MUC5B: variants seen among roughly 807,000 people sequenced by gnomAD.
MUC5B encodes mucin 5B, oligomeric mucus/gel-forming, also known as mucin-5B.
A neutral mutation model predicts 376.9 loss-of-function variants in MUC5B; 116 were observed. The observed-to-expected ratio is 0.31, with a 90% CI of 0.26 to 0.36. The LOEUF is 0.36. Ranked by LOEUF, MUC5B falls within the 10% of genes least tolerant of loss-of-function variation. The pLI is 1.00. For missense variants in MUC5B, 7,165 were observed against 7,769.9 expected (o/e 0.92, Z 2.93); for synonymous variants, 3,517 against 3,390.9 (o/e 1.04, Z -1.29).
chr11:1,252,327 GTGT>G lies in MUC5B; in HGVS notation c.14864-11_14864-9del, dbSNP rs1406283223. On this transcript the variant is annotated splice_polypyrimidine_tract_variant and intron_variant, in intron 31 of 48. Coordinates refer to ENST00000529681, the MANE Select transcript of MUC5B (RefSeq NM_002458.3). ...TCTGGGAGTGGCTTATCTTTCTATG[GTGT>G]TGTTCTTCACAGGGGAAGTCATCTA... is the stretch of plus-strand genomic sequence containing the variant. 6.5e-7 allele frequency: 1 copy of G among 1,534,214 alleles called. No individual in the cohort carries two copies. Among genetic ancestry groups the G allele is most frequent in the Non-Finnish European group, 8.8e-7 (1 of 1,138,936 alleles).
chr11:1,232,302 G>A, intron 15 of MUC5B, 142 bp downstream of exon 15: 1 of 1,335,700 alleles, frequency 7.5e-7, no homozygotes, highest in Non-Finnish European at 1.0e-6. Context: ...AGGTGCTTGG[G>A]GCCAGGCGGC....
Position 1,247,258 on chromosome 11 carries a change from C to A in MUC5B, c.10378C>A (p.Pro3460Thr), listed in dbSNP as rs200106077. 3 of 1,611,868 alleles carry A rather than the reference C, an allele frequency of 1.9e-6. No individual in the cohort carries two copies. The highest frequency in any genetic ancestry group is 1.7e-6 in the Non-Finnish European group (2 of 1,179,524). ...TTATTHGRSL[P>T]PSSPHTVRTA... is the part of the protein sequence containing the mutation. Reference sequence around the variant, plus strand: ...GGCCACCACACACGGGCGGTCCCTGCCCCCCAGCAGTCCCCACACGGTGCG... The same window carrying A: ...GGCCACCACACACGGGCGGTCCCTGACCCCCAGCAGTCCCCACACGGTGCG... Residue 3460 changes from proline to threonine, a missense_variant, in exon 31 of 49, where the codon CCC becomes ACC. Around this residue, in one of 31 missense-constraint regions of MUC5B, gnomAD observed 939 missense variants for 770.6 expected, o/e 1.22. Transcript: ENST00000529681.
At chr11:1,229,619 C>T (rs906049571) in intron 9 of MUC5B, 71 bp from the exon 10 acceptor site, 1 of 1,351,822 alleles carries the variant, frequency 7.4e-7, no homozygotes, top group African/African-American at 1.4e-5. Flanking sequence ...AGCTTGTCCC[C>T]AAGGCCGGTG....
chr11:1,255,176 C>T lies in MUC5B; in HGVS notation c.15800C>T (p.Pro5267Leu), dbSNP rs1336706174. The stretch of plus-strand genomic sequence containing the variant: ...GGCTGCTGGGCCCCGACTGGCACAC[C>T]CCCCACTGCCAGCCCCGCAGCCCCG... Reference protein sequence around the residue: ...KDGCWAPTGTPPTASPAAPVS... With the variant: ...KDGCWAPTGTLPTASPAAPVS... Residue 5267 changes from proline to leucine, a missense_variant, in exon 36 of 49, where the codon CCC becomes CTC. This residue lies in a region of MUC5B where 842 missense variants were observed against 1,016.9 expected (regional missense o/e 0.83). Coordinates refer to ENST00000529681, the MANE Select transcript of MUC5B (RefSeq NM_002458.3). 9.6e-6 allele frequency: 15 copies of T among 1,555,352 alleles called. No homozygotes were observed. The Middle Eastern group carries it at 1.0e-3, about 104-fold the overall frequency.
At position 1,254,277 on chromosome 11, in the gene MUC5B, G is replaced by A. The variant is rs575694536; in HGVS notation, c.15403G>A (p.Ala5135Thr). 74 of 1,611,338 alleles carry A rather than the reference G, an allele frequency of 4.6e-5. No homozygotes were observed. The highest frequency in any genetic ancestry group is 5.3e-5 in the Non-Finnish European group (63 of 1,179,852). ...TGCCGCTGCCGCCCGCTGCCCCCGC[G>A]CCCTCAGCATCCACTACAAGTCCAT... Reference protein sequence around the residue: ...ATAAAARCPRALSIHYKSMDI... With the variant: ...ATAAAARCPRTLSIHYKSMDI... The change falls in exon 34 of 49, where the codon GCC (alanine) becomes ACC (threonine). Residue 5135 changes from alanine (A) to threonine (T), a missense_variant. Ala to Thr is a moderately conservative substitution (Grantham distance 58). Transcript: ENST00000529681.
In MUC5B at chr11:1,256,254, C is replaced by T. The variant is rs756420382; in HGVS notation, c.16136+29C>T. On this transcript the variant is annotated intron_variant, in intron 38 of 48. Transcript: ENST00000529681. ...AGTACAGGGATGGCTGGTGCCTTCCCTGCCACCCAGGCCTGCCTGACCGGT... is the reference window on the plus strand; with the variant it reads ...AGTACAGGGATGGCTGGTGCCTTCCTTGCCACCCAGGCCTGCCTGACCGGT... 6 of 717,982 alleles carry T rather than the reference C, an allele frequency of 8.4e-6. No homozygotes were observed. In the South Asian group the frequency reaches 8.9e-5, roughly 11 times the overall value. The allele number at this position is 717,982 out of a possible 1,614,324, so 44.5% of individuals were successfully genotyped here.
chr11:1,248,257 A>G lies in MUC5B; in HGVS notation c.11377A>G (p.Ser3793Gly), dbSNP rs763505664. 1.9e-6 allele frequency: 3 copies of G among 1,595,966 alleles called. No homozygotes were observed. The highest frequency in any genetic ancestry group is 2.6e-6 in the Non-Finnish European group (3 of 1,168,640). ...CACAGCCACCACACCCACAGCTACCAGCTTTACAGCCATCCCCTCCTCCTC... is the reference window on the plus strand; with the variant it reads ...CACAGCCACCACACCCACAGCTACCGGCTTTACAGCCATCCCCTCCTCCTC... Reference protein sequence around the residue: ...RSTATTPTATSFTAIPSSSLG... With the variant: ...RSTATTPTATGFTAIPSSSLG... Residue 3793 changes from serine (S) to glycine (G), a missense_variant, in exon 31 of 49, where the codon AGC becomes GGC. This residue lies in a region of MUC5B where 72 missense variants were observed against 127.8 expected (regional missense o/e 0.56). Coordinates refer to ENST00000529681, the MANE Select transcript of MUC5B (RefSeq NM_002458.3).
Position 1,231,405 on chromosome 11 carries a change from C to T in MUC5B, c.1541-18C>T, listed in dbSNP as rs776361485. ...GTCCCTGCACCCCTGACCGGCCTCT[C>T]CCCCACACTCCCGGCAGCCAACATC... On this transcript the variant is annotated intron_variant, in intron 13 of 48. Transcript: ENST00000529681. 150 of 1,601,278 alleles carry T rather than the reference C, an allele frequency of 9.4e-5. No homozygotes were observed. Among genetic ancestry groups the T allele is most frequent in the South Asian group, 1.9e-4 (17 of 89,474 alleles).
Position 1,241,405 on chromosome 11 carries a change from T to A in MUC5B, c.4525T>A (p.Trp1509Arg). The A allele has an allele frequency of 6.2e-7, 1 of 1,613,310 alleles. No individual in the cohort carries two copies. The highest frequency in any genetic ancestry group is 8.5e-7 in the Non-Finnish European group (1 of 1,179,532). Residue 1509 changes from tryptophan (W) to arginine (R), a missense_variant, in exon 31 of 49, where the codon TGG (tryptophan) becomes AGG (arginine). Coordinates refer to ENST00000529681, the MANE Select transcript of MUC5B (RefSeq NM_002458.3). ...CACCACCTGCCAGCCCCGGTGTCAGTGGACAGAGTGGTTTGATGAGGACTA... is the reference window on the plus strand; with the variant it reads ...CACCACCTGCCAGCCCCGGTGTCAGAGGACAGAGTGGTTTGATGAGGACTA... The part of the protein sequence containing the change: ...GTTTCQPRCQ[W>R]TEWFDEDYPK...
rs981111045 is a variant in MUC5B, at chr11:1,258,641, G to A, written c.16593+274G>A. On this transcript the variant is annotated intron_variant, in intron 43 of 48. Coordinates refer to ENST00000529681, the MANE Select transcript of MUC5B (RefSeq NM_002458.3). This position sits in a 1 kb window ranked among gnomAD's most constrained non-coding sequence, Gnocchi z 5.5. ...CAGCACACACTGGCCTGGGGTCCCCGCCTGCCCGCCCAGATTCCTACCCGC... is the reference window on the plus strand; with the variant it reads ...CAGCACACACTGGCCTGGGGTCCCCACCTGCCCGCCCAGATTCCTACCCGC... Among the ~76,000 whole-genome samples the A allele has an allele frequency of 4.6e-5, 7 of 152,050 alleles. No homozygotes were observed. The highest frequency in any genetic ancestry group is 8.8e-5 in the Non-Finnish European group (6 of 67,958).
rs1262805311 is a variant in MUC5B, at chr11:1,249,802, C to G, written c.12922C>G (p.Leu4308Val). The G allele has an allele frequency of 1.9e-6, 3 of 1,613,582 alleles. No homozygotes were observed. Among genetic ancestry groups the G allele is most frequent in the Middle Eastern group, 3.3e-4 (2 of 6,060 alleles). ...SSSSPRTATT[L>V]PVLTSTATKS... is the part of the protein sequence containing the mutation. The stretch of plus-strand genomic sequence containing the variant: ...CTCCAGTCCAAGGACTGCAACCACC[C>G]TTCCAGTGCTGACAAGCACAGCCAC... Residue 4308 changes from leucine to valine, a missense_variant, in exon 31 of 49, where the codon CTT (leucine) becomes GTT (valine). Physicochemically the swap from Leu to Val is conservative, Grantham distance 32. This residue lies in a region of MUC5B where 431 missense variants were observed against 390.4 expected (regional missense o/e 1.10). Transcript: ENST00000529681.
rs979164212 is a variant in MUC5B, at chr11:1,239,828, C to G, written c.3613C>G (p.Pro1205Ala). 12 of 1,612,304 alleles carry G rather than the reference C, an allele frequency of 7.4e-6. No homozygotes were observed. In the African/African-American group the frequency reaches 1.2e-4, roughly 16 times the overall value. The change falls in exon 28 of 49, where the codon CCC (proline) becomes GCC (alanine). Residue 1205 changes from proline to alanine, a missense_variant. By Grantham distance (27) the Pro-to-Ala change is conservative (BLOSUM62 -1). Transcript: ENST00000529681. ...GCYPKCPPSQ[P>A]FFNEDQMKCV... ...CTACCCGAAGTGCCCACCCAGCCAG[C>G]CCTTCTTCAATGAGGACCAGATGAA...
chr11:1,229,771 G>C lies in MUC5B; in HGVS notation c.1184G>C (p.Ser395Thr), dbSNP rs778417196. 6.2e-7 allele frequency: 1 copy of C among 1,601,598 alleles called. No homozygotes were observed. Among genetic ancestry groups the C allele is most frequent in the African/African-American group, 1.3e-5 (1 of 74,624 alleles). ...TGCACCCACGGCGGCCGCACCTACA[G>C]CCCGGGCACCTCCTTCAACACCACC... ...CPCTHGGRTY[S>T]PGTSFNTTCS... Residue 395 changes from serine to threonine, a missense_variant, in exon 10 of 49, where the codon AGC becomes ACC. Physicochemically the swap from Ser to Thr is moderately conservative, Grantham distance 58. This residue lies in a region of MUC5B where 640 missense variants were observed against 733.0 expected (regional missense o/e 0.87). Transcript: ENST00000529681.
At position 1,255,102 on chromosome 11, in the gene MUC5B, T is replaced by C. The variant is rs1238357441; in HGVS notation, c.15726T>C (p.Ser5242=). The C allele has an allele frequency of 1.3e-6, 2 of 1,591,188 alleles. No homozygotes were observed. The highest frequency in any genetic ancestry group is 2.7e-5 in the African/African-American group (2 of 74,400). ...CLQRDGTTAA[S]CKDMAKTWLV... ...AGCGGGACGGAACCACTGCCGCCAG[T>C]TGCAAGGACATGGCCAAGACGTGGC... The change falls in exon 36 of 49, where the codon AGT becomes AGC. Residue 5242 remains serine, a synonymous_variant. Coordinates refer to ENST00000529681, the MANE Select transcript of MUC5B (RefSeq NM_002458.3).
Position 1,246,819 on chromosome 11 carries a change from C to A in MUC5B, c.9939C>A (p.Thr3313=). ...AHTTKVPTTT[T]TGFTATPSSS... ...CTACCAAAGTGCCGACTACCACAAC[C>A]ACGGGCTTCACAGCCACCCCCTCCT... Residue 3313 remains threonine, a synonymous_variant, in exon 31 of 49, where the codon ACC becomes ACA. Coordinates refer to ENST00000529681, the MANE Select transcript of MUC5B (RefSeq NM_002458.3). The A allele has an allele frequency of 3.1e-6, 5 of 1,607,726 alleles. No individual in the cohort carries two copies. The highest frequency in any genetic ancestry group is 3.4e-6 in the Non-Finnish European group (4 of 1,175,394).
Position 1,257,272 on chromosome 11 carries a change from G to T in MUC5B, c.16269+1G>T, listed in dbSNP as rs745424574. 1 of 780,292 alleles carries T rather than the reference G, an allele frequency of 1.3e-6. No homozygotes were observed. The highest frequency in any genetic ancestry group is 2.4e-5 in the East Asian group (1 of 41,254). 48.3% of individuals were successfully genotyped at this position (780,292 alleles called of 1,614,324 possible). A position where few individuals can be genotyped will look rare whatever the true frequency, so the allele number is the denominator to read the frequency against. On this transcript the variant is annotated splice_donor_variant, in intron 40 of 48. Coordinates refer to ENST00000529681, the MANE Select transcript of MUC5B (RefSeq NM_002458.3). LOFTEE classifies it high-confidence loss of function. The surrounding 1 kb of genome is among the most constrained non-coding windows in gnomAD (Gnocchi z 8.9). Reference sequence around the variant, plus strand: ...GGGACCCGATGGGTTTCCTAAATTTGTGAGTGGCTCCACCCCCACCTGCCC... The same window carrying T: ...GGGACCCGATGGGTTTCCTAAATTTTTGAGTGGCTCCACCCCCACCTGCCC...
chr11:1,230,617 G>C lies in MUC5B; in HGVS notation c.1470+17G>C. 1 of 1,593,712 alleles carries C rather than the reference G, an allele frequency of 6.3e-7. No individual in the cohort carries two copies. Among genetic ancestry groups the C allele is most frequent in the East Asian group, 2.3e-5 (1 of 44,344 alleles). On this transcript the variant is annotated intron_variant, in intron 12 of 48. Transcript: ENST00000529681. ...GGGGACACGGTGAGGACCTGGCTGG[G>C]GCCCTGGGCTGGGACAGGAAGAGGC... is the stretch of plus-strand genomic sequence containing the variant.
chr11:1,240,193 A>G lies in MUC5B; in HGVS notation c.3788A>G (p.Tyr1263Cys). The change falls in exon 30 of 49, where the codon TAT becomes TGT. Residue 1263 changes from tyrosine to cysteine, a missense_variant. Transcript: ENST00000529681. ...CCATCCCCAGCCTGCACCTGCACCT[A>G]TGAGGACAGGACCTACAGCTACCAG... ...AHSLEACTCT[Y>C]EDRTYSYQDV... is the part of the protein sequence containing the mutation. The G allele has an allele frequency of 6.2e-7, 1 of 1,604,992 alleles. No homozygotes were observed. The highest frequency in any genetic ancestry group is 8.5e-7 in the Non-Finnish European group (1 of 1,173,284).
rs746685311 is a variant in MUC5B, at chr11:1,254,073, G to A, written c.15218-19G>A. On this transcript the variant is annotated intron_variant, in intron 33 of 48. Transcript: ENST00000529681. ...GCACCACCACGGAGCCTGCCAGCCCGTCCATCTCTGTCCCGCAGGCATCTG... is the reference window on the plus strand; with the variant it reads ...GCACCACCACGGAGCCTGCCAGCCCATCCATCTCTGTCCCGCAGGCATCTG... The A allele has an allele frequency of 1.1e-5, 17 of 1,605,684 alleles. No homozygotes were observed. Among genetic ancestry groups the A allele is most frequent in the African/African-American group, 9.4e-5 (7 of 74,844 alleles).
Sources: gnomAD v4.1 joint callset for allele counts (sites outside exome capture counted in the v4.1 genomes callset) on GRCh38, gnomAD v4.1.1 for gene constraint, gnomAD v4.1.1 regional missense constraint, Gnocchi (gnomAD v3.1) non-coding constraint, MANE v1.5 for transcripts, NCBI Gene and HGNC (gene_info 2026-07-23, HGNC 2026-07-21) for gene names.